ZMAT4: variants seen among roughly 807,000 people sequenced by gnomAD.
The protein encoded by ZMAT4 is zinc finger matrin-type 4, also known as zinc finger matrin-type protein 4.
A neutral mutation model predicts 28.7 loss-of-function variants in ZMAT4; 17 were observed. The observed-to-expected ratio is 0.59, with a 90% confidence interval of 0.41 to 0.89. ZMAT4 has a LOEUF of 0.89. ZMAT4 is among the 40% of genes least tolerant of loss of function. ZMAT4 has a pLI of 0.00. For synonymous variants in ZMAT4, 117 were observed against 109.2 expected (o/e 1.07, Z -0.44); for missense variants, 240 against 283.8 (o/e 0.85, Z 1.11).
At chr8:40,556,953 TA>T (rs1220629213) in intron 6 of ZMAT4, among the ~76,000 whole-genome samples, 10 of 152,288 alleles carry the variant, frequency 6.6e-5, no homozygotes, top group African/African-American at 2.4e-4. Flanking sequence ...TGGATGTTAG[TA>T]CCCACTAAGC....
intron 2 of ZMAT4, among the ~76,000 whole-genome samples, chr8:40,771,142 G>C (rs1189661364): frequency 2.0e-5 from 3 of 151,688 alleles, no homozygotes; most frequent in Admixed American, 2.0e-4. Context: ...GAATTGCGGG[G>C]GGGAAGAAAC....
intron 1 of ZMAT4, among the ~76,000 whole-genome samples, chr8:40,896,265 T>G (rs1164859239): frequency 6.6e-6 from 1 of 152,104 alleles, no homozygotes; most frequent in East Asian, 1.9e-4. Context: ...CGTGGAAGGG[T>G]GCCCTGAGGA....
intron 3 of ZMAT4, among the ~76,000 whole-genome samples, chr8:40,721,233 G>C (rs910096534): frequency 6.9e-6 from 1 of 144,500 alleles, no homozygotes; most frequent in Non-Finnish European, 1.5e-5. Flanking sequence ...GGAGTGTTTG[G>C]TTTTTTGTTC....
intron 5 of ZMAT4, among the ~76,000 whole-genome samples, chr8:40,648,545 C>T (rs1187222425): frequency 7.0e-6 from 1 of 143,344 alleles, no homozygotes; most frequent in Non-Finnish European, 1.5e-5. Flanking sequence ...CAAGGCAGGC[C>T]AACGTTCAGA....
intron 5 of ZMAT4, among the ~76,000 whole-genome samples, chr8:40,673,088 T>C (rs1342024397): frequency 6.6e-6 from 1 of 152,222 alleles, no homozygotes; most frequent in Non-Finnish European, 1.5e-5. Context: ...ACTTTAAATC[T>C]ATGCTGCAGT....
At chr8:40,721,601 T>A (rs1287166438) in intron 3 of ZMAT4, among the ~76,000 whole-genome samples, 8 of 141,272 alleles carry the variant, frequency 5.7e-5, no homozygotes, top group Admixed American at 5.1e-4. Context: ...ACCAACAGTG[T>A]AAAAGTGTTC....
chr8:40,669,824 A>G (rs1307618274), intron 5 of ZMAT4, among the ~76,000 whole-genome samples: 1 of 152,176 alleles, frequency 6.6e-6, no homozygotes, highest in African/African-American at 2.4e-5. Context: ...TCAAGAGTCA[A>G]TTGTACTTGG....
rs893692202 is a variant in ZMAT4 at position 40,897,694 on chromosome 8, G to T, written c.-16C>A. The T allele has an allele frequency of 1.3e-5, 2 of 152,378 alleles. No individual in the cohort carries two copies. The highest frequency in any genetic ancestry group is 4.8e-5 in the African/African-American group (2 of 41,462). 9.4% of individuals were successfully genotyped at this position (152,378 alleles called of 1,614,324 possible). On this transcript the variant is annotated 5_prime_UTR_variant, in exon 1 of 7. Transcript: ENST00000297737. ...GCAGGCAGAGGTACCTTTTCCGCGA[G>T]GCAGAGGGGCCGCCGGTGCCCAGAG... is the stretch of plus-strand genomic sequence containing the variant.
At chr8:40,699,116 C>G (rs1810019633) in intron 3 of ZMAT4, among the ~76,000 whole-genome samples, 1 of 152,052 alleles carries the variant, frequency 6.6e-6, no homozygotes, top group African/African-American at 2.4e-5. Context: ...CCTGAGCTAC[C>G]TACCTCCTCA....
chr8:40,837,398 T>C (rs1181690780), intron 1 of ZMAT4, among the ~76,000 whole-genome samples: 2 of 152,186 alleles, frequency 1.3e-5, no homozygotes, highest in African/African-American at 2.4e-5. Context: ...ACTGGACTTT[T>C]GTGTCAATGG....
At chr8:40,752,911 T>C (rs529186686) in intron 3 of ZMAT4, among the ~76,000 whole-genome samples, 1 of 152,228 alleles carries the variant, frequency 6.6e-6, no homozygotes, top group African/African-American at 2.4e-5. Flanking sequence ...AGTTCTGGGA[T>C]ACATATGCAG....
intron 6 of ZMAT4, among the ~76,000 whole-genome samples, chr8:40,559,723 A>G (rs1027136324): frequency 2.2e-4 from 34 of 152,302 alleles, no homozygotes; most frequent in Non-Finnish European, 2.5e-4. Flanking sequence ...GAAGGCACAC[A>G]CACACAAATA....
At chr8:40,564,105 A>T (rs1306392378) in intron 6 of ZMAT4, among the ~76,000 whole-genome samples, 1 of 152,194 alleles carries the variant, frequency 6.6e-6, no homozygotes, top group African/African-American at 2.4e-5. Context: ...CTCCAAAAAG[A>T]GAAAATACGT....
intron 6 of ZMAT4, among the ~76,000 whole-genome samples, chr8:40,566,849 A>G (rs1803940315): frequency 6.6e-6 from 1 of 152,104 alleles, no homozygotes; most frequent in Admixed American, 6.6e-5. Context: ...TGAGTTATCT[A>G]GTAAGCTTAT....
chr8:40,724,839 G>T (rs1203380239), intron 3 of ZMAT4, among the ~76,000 whole-genome samples: 2 of 152,190 alleles, frequency 1.3e-5, no homozygotes, highest in Non-Finnish European at 2.9e-5. Flanking sequence ...TGCAGAGCAG[G>T]AGATGAAGTG....
At chr8:40,639,900 T>A (rs1806945996) in intron 5 of ZMAT4, among the ~76,000 whole-genome samples, 1 of 152,002 alleles carries the variant, frequency 6.6e-6, no homozygotes, top group Admixed American at 6.6e-5. Context: ...GTAAAAAAAC[T>A]AACCCAAATA....
intron 2 of ZMAT4, among the ~76,000 whole-genome samples, chr8:40,822,006 T>C (rs912723999): frequency 1.3e-5 from 2 of 152,248 alleles, no homozygotes; most frequent in Admixed American, 1.3e-4. Flanking sequence ...TAAATGATGC[T>C]TCCCTCTTTT....
chr8:40,612,457 C>T (rs556369849), intron 5 of ZMAT4, among the ~76,000 whole-genome samples: 1 of 138,308 alleles, frequency 7.2e-6, no homozygotes, highest in African/African-American at 2.5e-5. Flanking sequence ...CATGCACACA[C>T]AGTATCCATT....
At chr8:40,533,850 A>C (rs1802768274) in intron 6 of ZMAT4, among the ~76,000 whole-genome samples, 1 of 152,214 alleles carries the variant, frequency 6.6e-6, no homozygotes, top group African/African-American at 2.4e-5. Flanking sequence ...TCATGACCTA[A>C]AGAAATTCAA....
Sources: allele counts gnomAD v4.1 joint callset (sites outside exome capture counted in the v4.1 genomes callset), GRCh38; gene constraint gnomAD v4.1.1; transcripts MANE v1.5; gene names NCBI Gene and HGNC (gene_info 2026-07-23, HGNC 2026-07-21).